DPP6: variants seen among roughly 807,000 people sequenced by gnomAD.
DPP6 encodes dipeptidyl peptidase like 6.
Under a neutral mutation model 122.6 loss-of-function variants are expected in DPP6, and 69 were observed. The observed-to-expected ratio is 0.56, with a 90% CI of 0.46 to 0.69. DPP6 has a LOEUF of 0.69. Ranked by LOEUF, DPP6 falls within the 30% of genes least tolerant of loss-of-function variation. The probability of loss-of-function intolerance (pLI) is 0.00; values close to 1 mark genes in which losing one functional copy is unlikely to be tolerated. For missense variants in DPP6, 928 were observed against 1,116.9 expected (o/e 0.83, Z 2.41); for synonymous variants, 418 against 433.1 (o/e 0.97, Z 0.43).
chr7:154,008,498 C>A (rs1041006471), intron 1 of DPP6, among the ~76,000 whole-genome samples: 2 of 152,162 alleles, frequency 1.3e-5, no homozygotes, highest in African/African-American at 2.4e-5. Flanking sequence ...TTGCTTAAAT[C>A]TTTTCTCATT....
rs553232156 is a variant in DPP6, at chr7:154,581,822, ACT to A, written c.627+14912_627+14913del. 1.2e-3 allele frequency among the ~76,000 whole-genome samples: 178 copies of A among 151,914 alleles called. 2 individuals carry two copies. Among genetic ancestry groups the A allele is most frequent in the African/African-American group, 4.1e-3 (169 of 41,430 alleles). On this transcript the variant is annotated intron_variant, in intron 5 of 25. Transcript: ENST00000377770. ...GGCCATCAGCAGCATCTCATTTCAG[ACT>A]CTCTCATATCCCCGGAATGTCCCGG...
At chr7:154,007,908 C>A (rs975221185) in intron 1 of DPP6, among the ~76,000 whole-genome samples, 2 of 152,014 alleles carry the variant, frequency 1.3e-5, no homozygotes, top group African/African-American at 4.8e-5. Context: ...CATTGACGTT[C>A]ATCACTTTAG....
At chr7:154,516,437 G>T (rs763324230) in intron 3 of DPP6, among the ~76,000 whole-genome samples, 3 of 152,168 alleles carry the variant, frequency 2.0e-5, no homozygotes, top group African/African-American at 7.2e-5. Context: ...GGAGGCATCT[G>T]CAGTCTCCCA....
chr7:154,760,842 T>TC lies in DPP6; in HGVS notation c.884-8575_884-8574insC, dbSNP rs965262434. ...CAGCCTTCCTCTTTCAAAACTTTTG[T>TC]TTTTTTTTTTTTGAGACAGTCTTGC... On this transcript the variant is annotated intron_variant, in intron 8 of 25. Transcript: ENST00000377770. This position sits in a 1 kb window ranked among gnomAD's most constrained non-coding sequence, Gnocchi z 4.5. Among the ~76,000 whole-genome samples the TC allele has an allele frequency of 2.8e-4, 3 of 10,838 alleles. No individual in the cohort carries two copies. The South Asian group carries it at 7.0e-3, about 25-fold the overall frequency. The allele number at this position is 10,838 out of a possible 152,430, so 7.1% of individuals were successfully genotyped here.
intron 1 of DPP6, among the ~76,000 whole-genome samples, chr7:153,922,327 C>A (rs1261956526): frequency 1.3e-5 from 2 of 152,056 alleles, no homozygotes; most frequent in African/African-American, 4.8e-5. Context: ...ATAGTGAGAC[C>A]CCGTCTCTAT....
chr7:154,408,615 A>G (rs947890166), intron 1 of DPP6, among the ~76,000 whole-genome samples: 1 of 152,196 alleles, frequency 6.6e-6, no homozygotes, highest in African/African-American at 2.4e-5. Context: ...ATACACGGCT[A>G]TTAACTCAAC....
At chr7:154,758,066 T>TCC (rs1477283561) in intron 8 of DPP6, among the ~76,000 whole-genome samples, 1 of 151,090 alleles carries the variant, frequency 6.6e-6, no homozygotes, top group East Asian at 2.0e-4. Flanking sequence ...CTGAATCCAC[T>TCC]CCCCCTTCAG....
At chr7:154,085,223 T>A (rs1804317159) in intron 1 of DPP6, among the ~76,000 whole-genome samples, 2 of 152,206 alleles carry the variant, frequency 1.3e-5, no homozygotes, top group Non-Finnish European at 2.9e-5. Context: ...ATCTGGAATG[T>A]CCTTTTATCT....
At chr7:154,493,158 G>C (rs1824434916) in intron 3 of DPP6, among the ~76,000 whole-genome samples, 1 of 152,162 alleles carries the variant, frequency 6.6e-6, no homozygotes, top group Non-Finnish European at 1.5e-5. Context: ...CAAGGCTGCT[G>C]CAAGAGCCAT....
rs1585005928 is a variant in DPP6, at chr7:154,892,569, G to A, written c.*89G>A. Reference sequence around the variant, plus strand: ...CTGCCCTCCCTCTTCCCTCGGAGGGGCGGGGCGGGGCGGGGCCGGGTGTTC... The same window carrying A: ...CTGCCCTCCCTCTTCCCTCGGAGGGACGGGGCGGGGCGGGGCCGGGTGTTC... On this transcript the variant is annotated 3_prime_UTR_variant, in exon 26 of 26. Coordinates refer to ENST00000377770, the MANE Select transcript of DPP6 (RefSeq NM_130797.4). 2.6e-6 allele frequency: 4 copies of A among 1,550,880 alleles called. No homozygotes were observed. In the East Asian group the frequency reaches 6.8e-5, roughly 26 times the overall value.
At chr7:154,719,634 C>T (rs983069725) in intron 7 of DPP6, among the ~76,000 whole-genome samples, 5 of 152,146 alleles carry the variant, frequency 3.3e-5, no homozygotes, top group South Asian at 2.1e-4. Flanking sequence ...TGTAAAGAGT[C>T]GAGTCTGCAC....
intron 1 of DPP6, among the ~76,000 whole-genome samples, chr7:153,965,435 C>T (rs1795650417): frequency 6.6e-6 from 1 of 152,170 alleles, no homozygotes; most frequent in Non-Finnish European, 1.5e-5. Flanking sequence ...TGATATCCTA[C>T]ACAGACAAGG....
intron 1 of DPP6, among the ~76,000 whole-genome samples, chr7:154,439,014 G>A (rs559634708): frequency 2.0e-5 from 3 of 152,150 alleles, no homozygotes; most frequent in African/African-American, 7.2e-5. Context: ...CCTCTGTACC[G>A]TGCTGGAACA....
chr7:154,802,289 A>G (rs73728246), intron 13 of DPP6, among the ~76,000 whole-genome samples: 2,708 of 152,268 alleles, frequency 0.018, 87 homozygotes, highest in African/African-American at 0.062. Context: ...CTCAAAGGCA[A>G]TTTCAAAAGA....
At chr7:154,490,359 C>T (rs370149906) in intron 3 of DPP6, among the ~76,000 whole-genome samples, 25 of 152,296 alleles carry the variant, frequency 1.6e-4, no homozygotes, top group East Asian at 7.7e-4. Context: ...TAGTGCAGCC[C>T]GTGGCTACAT....
intron 15 of DPP6, among the ~76,000 whole-genome samples, chr7:154,805,762 G>A (rs938032563): frequency 7.2e-5 from 11 of 152,170 alleles, no homozygotes; most frequent in African/African-American, 1.7e-4. Flanking sequence ...AGGAGGCTTT[G>A]GGTTGTGAAG....
At chr7:154,813,719 T>C (rs1799223685) in intron 16 of DPP6, among the ~76,000 whole-genome samples, 1 of 152,078 alleles carries the variant, frequency 6.6e-6, no homozygotes, top group South Asian at 2.1e-4. Context: ...ATTCTAAATA[T>C]TGTATTATGA....
At position 154,618,916 on chromosome 7, in the gene DPP6, T is replaced by C. The variant is rs1455396790; in HGVS notation, c.628-18905T>C. ...AATTGTAGCTCCCATTATCCCTACA[T>C]GTTGTAGGAGGGACCTGGTAGGAGG... On this transcript the variant is annotated intron_variant, in intron 5 of 25. Transcript: ENST00000377770. This position sits in a 1 kb window ranked among gnomAD's most constrained non-coding sequence, Gnocchi z 4.1. Among the ~76,000 whole-genome samples, 1 of 152,150 alleles carries C rather than the reference T, an allele frequency of 6.6e-6. No individual in the cohort carries two copies. Among genetic ancestry groups the C allele is most frequent in the Non-Finnish European group, 1.5e-5 (1 of 68,028 alleles).
At chr7:154,631,975 G>A (rs1161191841) in intron 5 of DPP6, among the ~76,000 whole-genome samples, 1 of 152,164 alleles carries the variant, frequency 6.6e-6, no homozygotes, top group East Asian at 1.9e-4. Flanking sequence ...AGCCTCCTGA[G>A]CCACAATAGG....
Sources: allele counts gnomAD v4.1 joint callset (sites outside exome capture counted in the v4.1 genomes callset), GRCh38; gene constraint gnomAD v4.1.1; non-coding constraint Gnocchi (gnomAD v3.1); transcripts MANE v1.5; gene names NCBI Gene and HGNC (gene_info 2026-07-23, HGNC 2026-07-21).